The following MRPL15 variants were observed in gnomAD, a reference collection of about 807,000 sequenced individuals.
MRPL15 encodes the protein mitochondrial ribosomal protein L15, also known as large ribosomal subunit protein uL15m.
Under a neutral mutation model 28.0 loss-of-function variants are expected in MRPL15, and 24 were observed. The observed-to-expected ratio is 0.86, with a 90% CI of 0.62 to 1.21. The LOEUF (loss-of-function observed/expected upper bound fraction) is 1.21. Among genes scored for constraint, MRPL15 ranks in the 50% most tolerant of loss-of-function variants. The pLI is 0.00. For synonymous variants in MRPL15, 124 were observed against 137.0 expected, an observed-to-expected ratio of 0.90 and a Z score of 0.66; for missense variants, 343 against 372.4, an observed-to-expected ratio of 0.92 and a Z score of 0.65.
intron 1 of MRPL15, 119 bp from the exon 2 acceptor site, chr8:54,136,392 A>G (rs1032438207): frequency 5.6e-6 from 6 of 1,081,070 alleles, no homozygotes; most frequent in African/African-American, 1.6e-5. Flanking sequence ...GCTTGACACA[A>G]TAGTGTTAGC....
intron 3 of MRPL15, among the ~76,000 whole-genome samples, chr8:54,138,320 T>TTTTTA (rs1563716331): frequency 1.3e-4 from 18 of 135,544 alleles, no homozygotes; most frequent in African/African-American, 5.6e-4. Context: ...TTTTTTTTTT[T>TTTTTA]TTTTTTTTTA....
At chr8:54,135,817 C>T (rs1480428079) in intron 1 of MRPL15, among the ~76,000 whole-genome samples, 5 of 152,306 alleles carry the variant, frequency 3.3e-5, no homozygotes, top group Non-Finnish European at 2.9e-5. Flanking sequence ...GCCACCGCCC[C>T]CGGCCGCACC....
chr8:54,136,439 A>G (rs1810828614), intron 1 of MRPL15, 72 bp from the exon 2 acceptor site: 1 of 1,522,890 alleles, frequency 6.6e-7, no homozygotes, highest in Non-Finnish European at 8.9e-7. Flanking sequence ...CAGCATAACA[A>G]AAAGTGAAGA....
rs879604209 is a variant in MRPL15, at chr8:54,142,734, T to A, written c.501T>A (p.Ile167=). ...CTTCAGAACTAGCTATTGCTGCCATTGAAAAAAATGGTGGTGTTGTTACTA... is the reference window on the plus strand; with the variant it reads ...CTTCAGAACTAGCTATTGCTGCCATAGAAAAAAATGGTGGTGTTGTTACTA... The part of the protein sequence containing the change: ...QLASELAIAA[I]EKNGGVVTTA... Residue 167 remains isoleucine, a synonymous_variant, in exon 4 of 5, where the codon ATT becomes ATA. Transcript: ENST00000260102. 50 of 1,614,026 alleles carry A rather than the reference T, an allele frequency of 3.1e-5. No homozygotes were observed. The highest frequency in any genetic ancestry group is 4.2e-5 in the Non-Finnish European group (49 of 1,180,018).
intron 4 of MRPL15, among the ~76,000 whole-genome samples, chr8:54,143,867 C>T (rs1294198568): frequency 6.6e-6 from 1 of 152,228 alleles, no homozygotes; most frequent in African/African-American, 2.4e-5. Flanking sequence ...TTCCTCCTGC[C>T]TGGAGCTTCC....
intron 3 of MRPL15, among the ~76,000 whole-genome samples, 198 bp from the exon 4 acceptor site, chr8:54,142,465 A>G (rs1356748149): frequency 1.3e-5 from 2 of 152,100 alleles, no homozygotes; most frequent in African/African-American, 4.8e-5. Flanking sequence ...CTTATTTTTT[A>G]TTATTACTTT....
At chr8:54,144,664 G>T (rs191072607) in intron 4 of MRPL15, among the ~76,000 whole-genome samples, 34 of 152,024 alleles carry the variant, frequency 2.2e-4, no homozygotes, top group African/African-American at 6.8e-4. Flanking sequence ...CCAACTACTC[G>T]GGAGACTAAG....
intron 4 of MRPL15, among the ~76,000 whole-genome samples, chr8:54,143,169 C>CGGAT (rs1810961654): frequency 6.6e-6 from 1 of 152,090 alleles, no homozygotes; most frequent in Non-Finnish European, 1.5e-5. Context: ...CAACTTCTGC[C>CGGAT]TCCCAGGTTC....
At chr8:54,146,540 A>G (rs1229734598) in intron 4 of MRPL15, among the ~76,000 whole-genome samples, 1 of 152,108 alleles carries the variant, frequency 6.6e-6, no homozygotes, top group African/African-American at 2.4e-5. Flanking sequence ...AATACTATAC[A>G]TGTGTGAATG....
In MRPL15 at chr8:54,142,798, C is replaced by T. The variant is rs780144116; in HGVS notation, c.553+12C>T. 1.2e-6 allele frequency: 2 copies of T among 1,610,964 alleles called. No homozygotes were observed. The highest frequency in any genetic ancestry group is 1.7e-6 in the Non-Finnish European group (2 of 1,179,250). ...TCCAAGAAGTCTGGGTAAGTTTGTT[C>T]CACGGTCATTTTCTTCTTTCTCTCT... On this transcript the variant is annotated intron_variant, in intron 4 of 4. Coordinates refer to ENST00000260102, the MANE Select transcript of MRPL15 (RefSeq NM_014175.4).
intron 1 of MRPL15, among the ~76,000 whole-genome samples, chr8:54,135,871 C>T (rs567121871): frequency 2.0e-5 from 3 of 152,242 alleles, no homozygotes; most frequent in East Asian, 1.9e-4. Flanking sequence ...AGATACCAGG[C>T]GGAGAAGCCG....
intron 3 of MRPL15, among the ~76,000 whole-genome samples, chr8:54,142,258 G>A (rs1810940714): frequency 6.6e-6 from 1 of 152,068 alleles, no homozygotes; most frequent in South Asian, 2.1e-4. Context: ...GGGTTCAAGC[G>A]ATTCTCCCAC....
intron 3 of MRPL15, among the ~76,000 whole-genome samples, chr8:54,140,476 T>C (rs1810903090): frequency 1.3e-5 from 2 of 151,658 alleles, no homozygotes; most frequent in African/African-American, 4.8e-5. Flanking sequence ...TTGGCCAGGC[T>C]GGTTTCAAAC....
At chr8:54,142,050 T>C (rs1339227330) in intron 3 of MRPL15, among the ~76,000 whole-genome samples, 1 of 152,172 alleles carries the variant, frequency 6.6e-6, no homozygotes, top group Non-Finnish European at 1.5e-5. Flanking sequence ...GGTTTCACCA[T>C]GTTGGCCAGG....
chr8:54,142,544 C>A, intron 3 of MRPL15, 119 bp from the exon 4 acceptor site: 1 of 1,173,830 alleles, frequency 8.5e-7, no homozygotes, highest in Non-Finnish European at 1.2e-6. Flanking sequence ...GGAGGACTAA[C>A]TGTATTGTTA....
At position 54,135,386 on chromosome 8, in the gene MRPL15, A is replaced by G; in HGVS notation, c.103A>G (p.Lys35Glu). The G allele has an allele frequency of 6.5e-7, 1 of 1,528,248 alleles. No homozygotes were observed. Among genetic ancestry groups the G allele is most frequent in the Non-Finnish European group, 8.8e-7 (1 of 1,135,228 alleles). The allele number at this position is 1,528,248 out of a possible 1,614,324, so 94.7% of individuals were successfully genotyped here. The change falls in exon 1 of 5, where the codon AAA becomes GAA. Residue 35 changes from lysine (K) to glutamate (E), a missense_variant. By Grantham distance (56) the Lys-to-Glu change is moderately conservative. Coordinates refer to ENST00000260102, the MANE Select transcript of MRPL15 (RefSeq NM_014175.4). ...CTTAAAGCCGAATCCCGGCTCCAAG[A>G]AACCGGTAAATGGGTGGTGGCGGTG... ...ANLKPNPGSKKPERRPRGRRR... is the reference protein window; with the variant it reads ...ANLKPNPGSKEPERRPRGRRR...
In MRPL15 at chr8:54,147,580, A is replaced by G. The variant is rs147766742; in HGVS notation, c.752A>G (p.Glu251Gly). 2.5e-6 allele frequency: 4 copies of G among 1,614,172 alleles called. No homozygotes were observed. The highest frequency in any genetic ancestry group is 3.4e-6 in the Non-Finnish European group (4 of 1,180,032). Residue 251 changes from glutamate (E) to glycine (G), a missense_variant, in exon 5 of 5, where the codon GAA (glutamate) becomes GGA (glycine). Glu to Gly is a moderately conservative substitution (Grantham distance 98). Coordinates refer to ENST00000260102, the MANE Select transcript of MRPL15 (RefSeq NM_014175.4). ...GYILPDITKD[E>G]LFKMLCTRKD... ...ATCTTACCTGATATCACTAAAGATG[A>G]ACTCTTCAAAATGCTCTGTACTAGG...
At chr8:54,141,327 TTATGAAGTCGGTATTTCCATC>T (rs1220601887) in intron 3 of MRPL15, among the ~76,000 whole-genome samples, 88 of 152,234 alleles carry the variant, frequency 5.8e-4, no homozygotes, top group African/African-American at 1.6e-3. Flanking sequence ...GTATTTCCAT[TTATGAAGTCGGTATTTCCATC>T]TATGAAGTCG....
intron 4 of MRPL15, among the ~76,000 whole-genome samples, chr8:54,143,909 A>G (rs1189978124): frequency 2.0e-5 from 3 of 152,118 alleles, no homozygotes; most frequent in Non-Finnish European, 4.4e-5. Context: ...TTTGGGCCCC[A>G]CTGTTCCAGG....
Sources: allele counts gnomAD v4.1 joint callset (sites outside exome capture counted in the v4.1 genomes callset), GRCh38; gene constraint gnomAD v4.1.1; transcripts MANE v1.5; gene names NCBI Gene and HGNC (gene_info 2026-07-23, HGNC 2026-07-21).